The following MSRA variants were observed in gnomAD, a reference collection of about 807,000 sequenced individuals.
MSRA encodes methionine sulfoxide reductase A.
A neutral mutation model predicts 31.3 loss-of-function variants in MSRA; 54 were observed. That is an observed-to-expected ratio of 1.73 (90% confidence interval 1.39 to 2.17). The LOEUF is 2.17. MSRA is among the 30% of genes most tolerant of loss of function. The probability of loss-of-function intolerance (pLI) is 0.00; values close to 1 mark genes in which losing one functional copy is unlikely to be tolerated. For missense variants in MSRA, 507 were observed against 300.9 expected (o/e 1.69, Z -5.07); for synonymous variants, 169 against 116.5 (o/e 1.45, Z -2.90).
intron 2 of MSRA, among the ~76,000 whole-genome samples, chr8:10,213,629 G>T (rs959512393): frequency 2.0e-5 from 3 of 151,604 alleles, no homozygotes; most frequent in African/African-American, 7.3e-5. Flanking sequence ...GTAGAGACGG[G>T]GTTTCACCAT....
intron 1 of MSRA, chr8:10,095,465 A>G (rs974778403): frequency 2.0e-6 from 2 of 985,328 alleles, no homozygotes; most frequent in Non-Finnish European, 2.4e-6. Flanking sequence ...CGCAAAGGAC[A>G]TCTTTTGGAG....
intron 2 of MSRA, among the ~76,000 whole-genome samples, chr8:10,209,094 T>C (rs974270221): frequency 6.6e-6 from 1 of 152,114 alleles, no homozygotes; most frequent in Non-Finnish European, 1.5e-5. Flanking sequence ...TACTGATCAG[T>C]GATGAGAAAT....
At chr8:10,261,217 T>C (rs960633271) in intron 3 of MSRA, among the ~76,000 whole-genome samples, 1 of 152,190 alleles carries the variant, frequency 6.6e-6, no homozygotes, top group Non-Finnish European at 1.5e-5. Context: ...TTTAAGTTGC[T>C]ATTTACTCAA....
At chr8:10,337,459 G>A (rs929797600) in intron 5 of MSRA, 7 of 453,506 alleles carry the variant, frequency 1.5e-5, no homozygotes, top group East Asian at 4.2e-5. Flanking sequence ...GATTACAGGC[G>A]TGAGCCACCA....
chr8:10,129,890 A>T (rs1563129914), intron 1 of MSRA, among the ~76,000 whole-genome samples: 1 of 152,200 alleles, frequency 6.6e-6, no homozygotes, highest in Non-Finnish European at 1.5e-5. Context: ...CTCTCTCCGT[A>T]ATGATAAATA....
At chr8:10,319,384 A>G (rs1471234297) in intron 4 of MSRA, among the ~76,000 whole-genome samples, 2 of 152,098 alleles carry the variant, frequency 1.3e-5, no homozygotes, top group Non-Finnish European at 2.9e-5. Flanking sequence ...TGCAGGCTAG[A>G]TGGGTAGGTG....
At chr8:10,366,355 G>C (rs979494183) in intron 5 of MSRA, among the ~76,000 whole-genome samples, 1 of 152,236 alleles carries the variant, frequency 6.6e-6, no homozygotes, top group Non-Finnish European at 1.5e-5. Context: ...GCCCGTGTGA[G>C]CTCGGAAGAT....
intron 3 of MSRA, 21 bp from the exon 4 acceptor site, chr8:10,301,513 G>T (rs758508077): frequency 1.3e-6 from 2 of 1,592,056 alleles, no homozygotes; most frequent in African/African-American, 1.3e-5. Flanking sequence ...AATTTCGGTT[G>T]TACGTTTTGT....
At chr8:10,095,474 A>C in intron 1 of MSRA, 1 of 985,420 alleles carries the variant, frequency 1.0e-6, no homozygotes, top group Non-Finnish European at 1.2e-6. Flanking sequence ...CATCTTTTGG[A>C]GACAAGAATT....
chr8:10,217,558 A>G (rs1458586508), intron 2 of MSRA, among the ~76,000 whole-genome samples: 2 of 152,222 alleles, frequency 1.3e-5, no homozygotes, highest in African/African-American at 4.8e-5. Context: ...TTCAAACAAA[A>G]ATACAGAGCT....
chr8:10,204,930 T>C (rs969709535), intron 1 of MSRA, among the ~76,000 whole-genome samples: 10 of 152,348 alleles, frequency 6.6e-5, no homozygotes, highest in African/African-American at 2.4e-4. Context: ...ATGCAGTCCC[T>C]GTACAAACAG....
At chr8:10,224,602 G>T (rs1810830898) in intron 2 of MSRA, among the ~76,000 whole-genome samples, 2 of 152,190 alleles carry the variant, frequency 1.3e-5, no homozygotes, top group East Asian at 3.9e-4. Context: ...TGGTAGTCTT[G>T]TGTATGGAGT....
intron 1 of MSRA, among the ~76,000 whole-genome samples, chr8:10,116,218 A>T (rs964483919): frequency 1.3e-5 from 2 of 152,234 alleles, no homozygotes; most frequent in African/African-American, 4.8e-5. Flanking sequence ...CGTTGAGTGC[A>T]TCCTAACCCA....
intron 5 of MSRA, among the ~76,000 whole-genome samples, chr8:10,371,256 C>A (rs1463095209): frequency 1.3e-5 from 2 of 152,126 alleles, no homozygotes; most frequent in Admixed American, 6.5e-5. Flanking sequence ...CCATCCCGGC[C>A]TCTAGAGATG....
rs956675176 is a variant in MSRA at position 10,054,349 on chromosome 8, C to G, written c.-168C>G. The G allele has an allele frequency of 1.2e-5, 7 of 578,186 alleles. No individual in the cohort carries two copies. The highest frequency in any genetic ancestry group is 6.0e-5 in the African/African-American group (3 of 50,268). The allele number at this position is 578,186 out of a possible 1,614,324, so 35.8% of individuals were successfully genotyped here. A position where few individuals can be genotyped will look rare whatever the true frequency, so the allele number is the denominator to read the frequency against. ...CGGTACGGCCCCGGGTTTGGGCAAC[C>G]TCGATTACGGGCGGCCTCCAGCCCC... is the stretch of plus-strand genomic sequence containing the variant. On this transcript the variant is annotated 5_prime_UTR_variant, in exon 1 of 6. Coordinates refer to ENST00000317173, the MANE Select transcript of MSRA (RefSeq NM_012331.5).
chr8:10,099,208 G>A (rs968947384), intron 1 of MSRA, among the ~76,000 whole-genome samples: 2 of 152,204 alleles, frequency 1.3e-5, no homozygotes, highest in Non-Finnish European at 2.9e-5. Context: ...CTTTGAAGAG[G>A]AGATAAAAGT....
chr8:10,126,405 G>A (rs1801499221), intron 1 of MSRA, among the ~76,000 whole-genome samples: 1 of 152,198 alleles, frequency 6.6e-6, no homozygotes, highest in Non-Finnish European at 1.5e-5. Context: ...TGTGGCACCA[G>A]GGACTGGTTT....
chr8:10,089,869 C>G (rs184189658), intron 1 of MSRA, among the ~76,000 whole-genome samples: 5 of 152,290 alleles, frequency 3.3e-5, no homozygotes, highest in Non-Finnish European at 7.3e-5. Context: ...AGAGTGAGAG[C>G]TCACTTGATC....
At chr8:10,223,747 G>A (rs1344774306) in intron 2 of MSRA, among the ~76,000 whole-genome samples, 1 of 152,164 alleles carries the variant, frequency 6.6e-6, no homozygotes, top group Non-Finnish European at 1.5e-5. Context: ...TAGTTAAGAT[G>A]AATGCCAAAT....
Sources: gnomAD v4.1 joint callset for allele counts (sites outside exome capture counted in the v4.1 genomes callset) on GRCh38, gnomAD v4.1.1 for gene constraint, MANE v1.5 for transcripts, NCBI Gene and HGNC (gene_info 2026-07-23, HGNC 2026-07-21) for gene names.